Variants in UBXN7 observed in about 807,000 individuals in gnomAD.
UBXN7 encodes UBX domain-containing protein 7.
A neutral mutation model predicts 58.0 loss-of-function variants in UBXN7; 9 were observed. The ratio of observed to expected loss-of-function variants is 0.16; its 90% CI spans 0.09 to 0.27. UBXN7 has a LOEUF of 0.27. Ranked by LOEUF, UBXN7 falls within the 10% of genes least tolerant of loss-of-function variation. The pLI is 1.00. For missense variants in UBXN7, 328 were observed against 599.6 expected, an observed-to-expected ratio of 0.55 and a Z score of 4.73; for synonymous variants, 208 against 205.0, an observed-to-expected ratio of 1.01 and a Z score of -0.12.
chr3:196,384,082 A>G (rs1729298165), intron 5 of UBXN7, among the ~76,000 whole-genome samples: 2 of 152,202 alleles, frequency 1.3e-5, no homozygotes, highest in African/African-American at 4.8e-5. Context: ...AAGAGAGAAG[A>G]ATCAAATAGA....
chr3:196,353,611 TGA>T lies in UBXN7; in HGVS notation c.*3072_*3073del, dbSNP rs976980386. 2 of 151,842 alleles carry T rather than the reference TGA, an allele frequency of 1.3e-5. No homozygotes were observed. The highest frequency in any genetic ancestry group is 4.8e-5 in the African/African-American group (2 of 41,294). The allele number at this position is 151,842 out of a possible 1,614,324, so 9.4% of individuals were successfully genotyped here. A position where few individuals can be genotyped will look rare whatever the true frequency, so the allele number is the denominator to read the frequency against. On this transcript the variant is annotated 3_prime_UTR_variant, in exon 11 of 11. Coordinates refer to ENST00000296328, the MANE Select transcript of UBXN7 (RefSeq NM_015562.2). ...CAAGCCATTCCCCTGCCTCAGCCTC[TGA>T]GTAGCTGGGATTACAGGTGCACGCC... is the stretch of plus-strand genomic sequence containing the variant.
In UBXN7 at chr3:196,391,943, G is replaced by A. The variant is rs534971908; in HGVS notation, c.356-18C>T. The A allele has an allele frequency of 8.6e-6, 7 of 811,724 alleles. No homozygotes were observed. The Admixed American group carries it at 1.1e-4, about 13-fold the overall frequency. The allele number at this position is 811,724 out of a possible 1,614,324, so 50.3% of individuals were successfully genotyped here. On this transcript the variant is annotated intron_variant, in intron 4 of 10. Coordinates refer to ENST00000296328, the MANE Select transcript of UBXN7 (RefSeq NM_015562.2). The stretch of plus-strand genomic sequence containing the variant: ...TTGCCGAACTATAATACAGAAGGAT[G>A]AAAGTTTCAGTTAGCCATAATCATG...
At chr3:196,419,656 G>A (rs907806268) in intron 1 of UBXN7, among the ~76,000 whole-genome samples, 2 of 152,300 alleles carry the variant, frequency 1.3e-5, no homozygotes, top group South Asian at 4.1e-4. Flanking sequence ...GAGGCATTCA[G>A]TAACATGAGA....
At chr3:196,393,337 C>A (rs1729642649) in intron 4 of UBXN7, among the ~76,000 whole-genome samples, 1 of 152,110 alleles carries the variant, frequency 6.6e-6, no homozygotes, top group African/African-American at 2.4e-5. Flanking sequence ...ACCATATTTC[C>A]TACATTATCT....
chr3:196,394,070 C>T (rs1017198730), intron 3 of UBXN7, among the ~76,000 whole-genome samples: 1 of 152,120 alleles, frequency 6.6e-6, no homozygotes, highest in African/African-American at 2.4e-5. Flanking sequence ...GGGTGGATCA[C>T]CTGAGGTCAG....
At chr3:196,419,796 C>A (rs1424498282) in intron 1 of UBXN7, among the ~76,000 whole-genome samples, 1 of 152,144 alleles carries the variant, frequency 6.6e-6, no homozygotes, top group African/African-American at 2.4e-5. Flanking sequence ...TTTCAGACTT[C>A]CGGCCTCCAG....
chr3:196,374,800 C>T (rs1480821987), intron 5 of UBXN7, among the ~76,000 whole-genome samples: 2 of 140,110 alleles, frequency 1.4e-5, no homozygotes, highest in Non-Finnish European at 3.1e-5. Flanking sequence ...TTGCTTGAAC[C>T]TGGGTGGCAG....
intron 5 of UBXN7, among the ~76,000 whole-genome samples, chr3:196,390,709 C>T (rs1729555035): frequency 6.6e-6 from 1 of 150,696 alleles, no homozygotes; most frequent in Non-Finnish European, 1.5e-5. Context: ...CCACTGCACT[C>T]CGGCGAGACT....
chr3:196,426,385 CAAAAAAAAAA>C (rs58979892), intron 1 of UBXN7, among the ~76,000 whole-genome samples: 1 of 114,206 alleles, frequency 8.8e-6, no homozygotes, highest in East Asian at 2.4e-4. Flanking sequence ...GACTTCGTCT[CAAAAAAAAAA>C]AAAAAAAGAA....
intron 5 of UBXN7, among the ~76,000 whole-genome samples, chr3:196,377,190 G>A (rs957660248): frequency 2.0e-5 from 3 of 152,116 alleles, no homozygotes; most frequent in Admixed American, 1.3e-4. Flanking sequence ...AGAAAATGAA[G>A]TCCCTGTGTT....
intron 1 of UBXN7, among the ~76,000 whole-genome samples, chr3:196,412,285 A>G (rs552777196): frequency 6.6e-6 from 1 of 151,690 alleles, no homozygotes; most frequent in South Asian, 2.1e-4. Context: ...CAACGTGTGT[A>G]ATAATGTTAA....
At chr3:196,400,746 GAA>G (rs746942913) in intron 3 of UBXN7, 14 of 329,836 alleles carry the variant, frequency 4.2e-5, no homozygotes, top group South Asian at 7.1e-5. Flanking sequence ...CAAAACAAAA[GAA>G]AAAAAAAAGA....
At chr3:196,416,421 A>G in intron 1 of UBXN7, among the ~76,000 whole-genome samples, 1 of 151,976 alleles carries the variant, frequency 6.6e-6, no homozygotes, top group Non-Finnish European at 1.5e-5. Context: ...ATTGAGCAAG[A>G]CTCTGTCTCA....
At chr3:196,422,989 C>G (rs1019546854) in intron 1 of UBXN7, among the ~76,000 whole-genome samples, 2 of 152,196 alleles carry the variant, frequency 1.3e-5, no homozygotes, top group African/African-American at 2.4e-5. Flanking sequence ...GAGCAAGAAG[C>G]CAGACTCAAA....
At position 196,361,935 on chromosome 3, in the gene UBXN7, G is replaced by GT. The variant is rs1397113921; in HGVS notation, c.1229-13dup. On this transcript the variant is annotated splice_polypyrimidine_tract_variant and intron_variant, in intron 9 of 10. Coordinates refer to ENST00000296328, the MANE Select transcript of UBXN7 (RefSeq NM_015562.2). ...CTGTGCTTTTGGTCCTAAAGGAAGG[G>GT]TTTAAAAAAAAAAAAAAAACGGGAT... The GT allele has an allele frequency of 1.2e-5, 18 of 1,557,454 alleles. No homozygotes were observed. In the African/African-American group the frequency reaches 2.1e-4, roughly 18 times the overall value.
intron 8 of UBXN7, among the ~76,000 whole-genome samples, chr3:196,363,270 T>A (rs1728561782): frequency 6.6e-6 from 1 of 151,498 alleles, no homozygotes; most frequent in South Asian, 2.1e-4. Flanking sequence ...ATACACATAT[T>A]TTTTTTTCTT....
At chr3:196,376,545 C>CAAAAAAAAAAAAAAAAAA (rs777458391) in intron 5 of UBXN7, among the ~76,000 whole-genome samples, 43 of 50,854 alleles carry the variant, frequency 8.5e-4, no homozygotes, top group East Asian at 1.4e-3. Flanking sequence ...GACTCTGTCT[C>CAAAAAAAAAAAAAAAAAA]AAAAAAAAAA....
chr3:196,398,897 AAAGT>A (rs1258105647), intron 3 of UBXN7, among the ~76,000 whole-genome samples: 1 of 152,048 alleles, frequency 6.6e-6, no homozygotes, highest in Non-Finnish European at 1.5e-5. Flanking sequence ...TCAGCCTCCG[AAAGT>A]AATCCCAAAG....
At chr3:196,430,192 T>C (rs1161243725) in intron 1 of UBXN7, among the ~76,000 whole-genome samples, 1 of 151,784 alleles carries the variant, frequency 6.6e-6, no homozygotes, top group Non-Finnish European at 1.5e-5. Flanking sequence ...CCGCCTCTAC[T>C]AAAAATACAA....
Sources: allele counts gnomAD v4.1 joint callset (sites outside exome capture counted in the v4.1 genomes callset), GRCh38; gene constraint gnomAD v4.1.1; transcripts MANE v1.5; gene names NCBI Gene and HGNC (gene_info 2026-07-23, HGNC 2026-07-21).